The following PALLD variants were observed in gnomAD, a reference collection of about 807,000 sequenced individuals.
PALLD encodes palladin.
Under a neutral mutation model 123.5 loss-of-function variants are expected in PALLD, and 61 were observed. The ratio of observed to expected loss-of-function variants is 0.49; its 90% confidence interval spans 0.40 to 0.61. The LOEUF (loss-of-function observed/expected upper bound fraction) is 0.61, where lower values mean the gene tolerates loss of function less well. PALLD is among the 20% of genes least tolerant of loss of function. The pLI is 0.00. For missense variants in PALLD, 1,273 were observed against 1,377.0 expected (o/e 0.92, Z 1.20); for synonymous variants, 465 against 496.4 (o/e 0.94, Z 0.84).
At chr4:168,848,378 C>A (rs893885624) in intron 10 of PALLD, among the ~76,000 whole-genome samples, 1 of 152,066 alleles carries the variant, frequency 6.6e-6, no homozygotes, top group Non-Finnish European at 1.5e-5. Context: ...GGAAACCAGG[C>A]CTATTGAGCA....
At chr4:168,583,999 AG>A (rs1226370865) in intron 2 of PALLD, among the ~76,000 whole-genome samples, 2 of 152,194 alleles carry the variant, frequency 1.3e-5, no homozygotes, top group Non-Finnish European at 2.9e-5. Context: ...CTCTGAAATA[AG>A]GAGCATGAAA....
chr4:168,827,124 A>G (rs1406362947), intron 10 of PALLD, among the ~76,000 whole-genome samples: 1 of 152,234 alleles, frequency 6.6e-6, no homozygotes, highest in African/African-American at 2.4e-5. Flanking sequence ...TGTCTATATA[A>G]GTACAAACAG....
At chr4:168,600,142 C>T (rs1561291651) in intron 2 of PALLD, among the ~76,000 whole-genome samples, 70 of 143,512 alleles carry the variant, frequency 4.9e-4, no homozygotes, top group African/African-American at 1.5e-3. Context: ...CACATATATA[C>T]ATATACACTA....
At chr4:168,571,299 A>G (rs1768958754) in intron 2 of PALLD, among the ~76,000 whole-genome samples, 1 of 152,154 alleles carries the variant, frequency 6.6e-6, no homozygotes, top group South Asian at 2.1e-4. Context: ...GTGAACTGTA[A>G]GTAGAAGATT....
At chr4:168,674,982 C>T (rs2710824) in intron 3 of PALLD, among the ~76,000 whole-genome samples, 75,872 of 152,030 alleles carry the variant, frequency 0.5, 20,774 homozygotes, top group African/African-American at 0.73. Context: ...TACTAGATGG[C>T]GAGAGGGTAC....
chr4:168,783,757 T>C (rs185389379), intron 10 of PALLD, among the ~76,000 whole-genome samples: 1 of 152,240 alleles, frequency 6.6e-6, no homozygotes, highest in Non-Finnish European at 1.5e-5. Context: ...AGGTGGGGAT[T>C]GGTTGATAAG....
intron 2 of PALLD, among the ~76,000 whole-genome samples, chr4:168,554,880 C>T (rs183436235): frequency 5.5e-4 from 83 of 152,144 alleles, no homozygotes; most frequent in African/African-American, 2.0e-3. Context: ...TTTATACTAT[C>T]ATGTTTATAC....
intron 2 of PALLD, among the ~76,000 whole-genome samples, chr4:168,607,771 A>C (rs1489196650): frequency 6.6e-6 from 1 of 152,100 alleles, no homozygotes; most frequent in Non-Finnish European, 1.5e-5. Flanking sequence ...TCTGGAAAAA[A>C]AAAAATTGGC....
At chr4:168,827,489 G>GC (rs1308916071) in intron 10 of PALLD, among the ~76,000 whole-genome samples, 3 of 152,172 alleles carry the variant, frequency 2.0e-5, no homozygotes, top group Non-Finnish European at 2.9e-5. Flanking sequence ...GTTAAAAGTT[G>GC]CTTATTCTTA....
At position 168,668,214 on chromosome 4, in the gene PALLD, G is replaced by T. The variant is rs1245853797; in HGVS notation, c.933G>T (p.Leu311=). Residue 311 remains leucine, a synonymous_variant, in exon 3 of 22, where the codon CTG becomes CTT. Transcript: ENST00000505667. ...GATGGTTCTGTGAAGGGAAAGAACT[G>T]CACAACACTCCTGATATTCAAATCC... is the stretch of plus-strand genomic sequence containing the variant. ...RVRWFCEGKE[L]HNTPDIQIHC... is the part of the protein sequence containing the mutation. 6.2e-7 allele frequency: 1 copy of T among 1,614,064 alleles called. No individual in the cohort carries two copies. The highest frequency in any genetic ancestry group is 1.1e-5 in the South Asian group (1 of 91,078).
chr4:168,630,973 C>T (rs770593715), intron 2 of PALLD, among the ~76,000 whole-genome samples: 7 of 152,172 alleles, frequency 4.6e-5, no homozygotes, highest in Non-Finnish European at 5.9e-5. Context: ...GACAACCAGA[C>T]GTACACATGT....
At chr4:168,923,366 ATATC>A (rs973346329) in intron 18 of PALLD, among the ~76,000 whole-genome samples, 3 of 152,226 alleles carry the variant, frequency 2.0e-5, no homozygotes, top group African/African-American at 7.2e-5. Context: ...TTGCTGTGAT[ATATC>A]TGTCACTCCA....
intron 1 of PALLD, among the ~76,000 whole-genome samples, chr4:168,504,430 C>T (rs374408111): frequency 1.3e-5 from 2 of 152,090 alleles, no homozygotes; most frequent in African/African-American, 4.8e-5. Context: ...CCTGTCTCTA[C>T]TAAAAATACA....
intron 21 of PALLD, among the ~76,000 whole-genome samples, chr4:168,925,681 A>AT (rs548559890): frequency 6.6e-6 from 1 of 152,160 alleles, no homozygotes; most frequent in Admixed American, 6.5e-5. Context: ...ATCCATTGAC[A>AT]TAAAAAAAAC....
intron 2 of PALLD, among the ~76,000 whole-genome samples, chr4:168,658,076 C>T (rs548024441): frequency 3.3e-5 from 5 of 152,248 alleles, no homozygotes; most frequent in East Asian, 1.9e-4. Flanking sequence ...AAAACAACGA[C>T]GAACCCCAGG....
chr4:168,680,348 C>T (rs954742044), intron 3 of PALLD, among the ~76,000 whole-genome samples: 41 of 151,076 alleles, frequency 2.7e-4, no homozygotes, highest in Admixed American at 7.2e-4. Flanking sequence ...ATTAGCAGGG[C>T]GAGGTGGCAC....
intron 2 of PALLD, among the ~76,000 whole-genome samples, chr4:168,519,241 T>G (rs1763292617): frequency 6.6e-6 from 1 of 152,224 alleles, no homozygotes; most frequent in Non-Finnish European, 1.5e-5. Context: ...TTGGCAGTAT[T>G]TTATATCTTA....
In PALLD at chr4:168,556,883, C is replaced by T. The variant is rs1421187248; in HGVS notation, c.908+44471C>T. Among the ~76,000 whole-genome samples the T allele has an allele frequency of 2.6e-5, 4 of 152,146 alleles. No homozygotes were observed. In the East Asian group the frequency reaches 7.7e-4, roughly 29 times the overall value. ...AAGGCATGAAGCCTAGAAGAAGTGGCTACTTCTGCCTGTGGTTTATAGCCC... is the reference window on the plus strand; with the variant it reads ...AAGGCATGAAGCCTAGAAGAAGTGGTTACTTCTGCCTGTGGTTTATAGCCC... On this transcript the variant is annotated intron_variant, in intron 2 of 21. Coordinates refer to ENST00000505667, the MANE Select transcript of PALLD (RefSeq NM_001166108.2).
chr4:168,747,630 C>T (rs1161632139), intron 10 of PALLD, among the ~76,000 whole-genome samples: 5 of 152,150 alleles, frequency 3.3e-5, no homozygotes, highest in Non-Finnish European at 5.9e-5. Context: ...CCCAAGACTT[C>T]GTAAAGCCAT....
Sources: gnomAD v4.1 joint callset for allele counts (sites outside exome capture counted in the v4.1 genomes callset) on GRCh38, gnomAD v4.1.1 for gene constraint, MANE v1.5 for transcripts, NCBI Gene and HGNC (gene_info 2026-07-23, HGNC 2026-07-21) for gene names.